Variants in STAG2 observed in about 807,000 individuals in gnomAD.
STAG2 encodes the protein STAG2 cohesin complex component.
Under a neutral mutation model 108.1 loss-of-function variants are expected in STAG2, and 14 were observed. The observed-to-expected ratio is 0.13, with a 90% CI of 0.09 to 0.20. The LOEUF is 0.20. STAG2 is among the 10% of genes least tolerant of loss of function. STAG2 has a pLI of 1.00. For synonymous variants in STAG2, 307 were observed against 302.7 expected (o/e 1.01, Z -0.15); for missense variants, 440 against 940.9 (o/e 0.47, Z 6.96).
In STAG2 at chrX:124,000,485, C is replaced by T. The variant is rs1489180669; in HGVS notation, c.-162-20882C>T. ...AGGAGCTTGAGATCATCCTGGGCAA[C>T]ATAGTGAGATGCCATCTTTACAAGA... On this transcript the variant is annotated intron_variant, in intron 1 of 34. Transcript: ENST00000371145. Among the ~76,000 whole-genome samples the T allele has an allele frequency of 1.1e-4, 12 of 110,455 alleles. No individual in the cohort carries two copies. The Admixed American group carries it at 1.2e-3, about 11-fold the overall frequency.
intron 27 of STAG2, among the ~76,000 whole-genome samples, chrX:124,079,531 C>T (rs2058897805): frequency 1.8e-5 from 2 of 111,513 alleles, no homozygotes; most frequent in Admixed American, 9.4e-5. Context: ...CCTGTAATCC[C>T]AGCACTTTGG....
At chrX:124,001,013 A>G (rs1038060555) in intron 1 of STAG2, among the ~76,000 whole-genome samples, 3 of 112,428 alleles carry the variant, frequency 2.7e-5, no homozygotes, top group African/African-American at 9.7e-5. Context: ...TAAGTGTTAT[A>G]ATTAGGAGTC....
chrX:124,068,800 T>G, intron 24 of STAG2, 144 bp downstream of exon 24: 1 of 371,003 alleles, frequency 2.7e-6, no homozygotes, highest in Non-Finnish European at 4.7e-6. Context: ...AAAAAATAGG[T>G]TAATATATTG....
chrX:124,102,079 A>G lies in STAG2; in HGVS notation c.*1482A>G, dbSNP rs1259467114. 3 of 159,903 alleles carry G rather than the reference A, an allele frequency of 1.9e-5. No individual in the cohort carries two copies. The highest frequency in any genetic ancestry group is 9.0e-5 in the African/African-American group (3 of 33,229). The allele number at this position is 159,903 out of a possible 1,213,427, so 13.2% of individuals were successfully genotyped here. On this transcript the variant is annotated 3_prime_UTR_variant, in exon 35 of 35. Transcript: ENST00000371145. ...GGCTTTCAGTTTTTAGTCAGAAATC[A>G]AGCATTGGGCTGTGGTAGCCAAAAA...
chrX:124,080,461 G>A (rs986160449), intron 27 of STAG2, among the ~76,000 whole-genome samples: 11 of 111,160 alleles, frequency 9.9e-5, no homozygotes, highest in Admixed American at 9.6e-5. Context: ...AGACTGAGGC[G>A]GGCAGATCAC....
At chrX:124,084,680 C>A (rs980448579) in intron 29 of STAG2, among the ~76,000 whole-genome samples, 10 of 112,255 alleles carry the variant, frequency 8.9e-5, no homozygotes, top group Middle Eastern at 4.6e-3. Flanking sequence ...AAAACTGATA[C>A]AACTGTGCTC....
chrX:124,094,979 G>T (rs1447375516), intron 33 of STAG2, among the ~76,000 whole-genome samples: 1 of 109,998 alleles, frequency 9.1e-6, no homozygotes, highest in Non-Finnish European at 1.9e-5. Flanking sequence ...CCAGACTTCA[G>T]TGCAGTGGCA....
At chrX:124,055,241 A>G (rs911404698) in intron 13 of STAG2, among the ~76,000 whole-genome samples, 1 of 112,852 alleles carries the variant, frequency 8.9e-6, no homozygotes, top group Non-Finnish European at 1.9e-5. Flanking sequence ...GGAAGCTTTC[A>G]GCACAACAGA....
At chrX:124,029,002 TA>T (rs1334290504) in intron 4 of STAG2, among the ~76,000 whole-genome samples, 116 of 98,568 alleles carry the variant, frequency 1.2e-3, no homozygotes, top group African/African-American at 4.1e-3. Context: ...TATATATATA[TA>T]TATATATATA....
intron 1 of STAG2, among the ~76,000 whole-genome samples, chrX:124,015,562 T>A (rs1473857329): frequency 9.3e-6 from 1 of 108,071 alleles, no homozygotes; most frequent in African/African-American, 3.4e-5. Flanking sequence ...TTTTTCTATT[T>A]TAGTAGAGAT....
At chrX:124,051,266 CTT>C (rs780765270) in intron 12 of STAG2, 47 bp downstream of exon 12, 466 of 1,166,957 alleles carry the variant, frequency 4.0e-4, no homozygotes, top group Non-Finnish European at 5.2e-4. Flanking sequence ...TTTGCAAACA[CTT>C]TTCTCTTGCT....
intron 27 of STAG2, among the ~76,000 whole-genome samples, chrX:124,079,077 C>G (rs1325408654): frequency 1.8e-5 from 2 of 110,962 alleles, no homozygotes; most frequent in African/African-American, 6.5e-5. Context: ...ACAAAATTTG[C>G]ATGCAAAACC....
chrX:124,006,314 G>A (rs1189259999), intron 1 of STAG2, among the ~76,000 whole-genome samples: 1 of 111,502 alleles, frequency 9.0e-6, no homozygotes, highest in African/African-American at 3.3e-5. Flanking sequence ...TATGGTAAGT[G>A]CATGTATGGT....
At chrX:124,086,877 A>G (rs1376363004) in intron 30 of STAG2, 107 bp downstream of exon 30, 5 of 640,869 alleles carry the variant, frequency 7.8e-6, no homozygotes, top group Non-Finnish European at 1.1e-5. Flanking sequence ...ATAATAGCTT[A>G]CAAAATGTGT....
chrX:124,049,303 C>T (rs1257226611), intron 10 of STAG2, among the ~76,000 whole-genome samples: 1 of 111,376 alleles, frequency 9.0e-6, no homozygotes, highest in African/African-American at 3.3e-5. Context: ...TGACTTGCAG[C>T]CAGTAGAAGT....
intron 33 of STAG2, among the ~76,000 whole-genome samples, chrX:124,095,076 C>T (rs1569521838): frequency 2.7e-5 from 3 of 110,784 alleles, no homozygotes; most frequent in Non-Finnish European, 5.7e-5. Flanking sequence ...TGCAGGCGCC[C>T]GCAACCACGC....
chrX:124,035,183 T>C (rs2057480331), intron 5 of STAG2, among the ~76,000 whole-genome samples: 1 of 111,517 alleles, frequency 9.0e-6, no homozygotes, highest in African/African-American at 3.3e-5. Flanking sequence ...AAACTGGTTG[T>C]TATGTTTTAA....
chrX:124,033,335 ATTTC>A lies in STAG2; in HGVS notation c.288+2211_288+2214del, dbSNP rs771428097. Among the ~76,000 whole-genome samples, 83 of 112,162 alleles carry A rather than the reference ATTTC, an allele frequency of 7.4e-4. 1 individual carries two copies. The highest frequency in any genetic ancestry group is 4.7e-3 in the Middle Eastern group (1 of 215). On this transcript the variant is annotated intron_variant, in intron 5 of 34. Transcript: ENST00000371145. ...AATTATTTCAGTTACATTGTATTGC[ATTTC>A]ATTACTTTCCTTCTTTTTTTTGTAT...
At chrX:124,068,504 A>T in intron 23 of STAG2, 60 bp from the exon 24 acceptor site, 1 of 798,503 alleles carries the variant, frequency 1.3e-6, no homozygotes, top group Non-Finnish European at 1.8e-6. Flanking sequence ...AAAACATTTT[A>T]AAGAAATGCT....
Sources: allele counts gnomAD v4.1 joint callset (sites outside exome capture counted in the v4.1 genomes callset), GRCh38; gene constraint gnomAD v4.1.1; transcripts MANE v1.5; gene names NCBI Gene and HGNC (gene_info 2026-07-23, HGNC 2026-07-21).